C5orf47: variants seen among roughly 807,000 people sequenced by gnomAD.
C5orf47 encodes chromosome 5 open reading frame 47.
In C5orf47, 20 loss-of-function variants were observed where a neutral mutation model predicts 20.6. The ratio of observed to expected loss-of-function variants is 0.97; its 90% CI spans 0.68 to 1.41. The LOEUF is 1.41. Ranked by LOEUF, C5orf47 falls within the 40% of genes most tolerant of loss-of-function variation. C5orf47 has a pLI of 0.00. For synonymous variants in C5orf47, 106 were observed against 97.3 expected, an observed-to-expected ratio of 1.09 and a Z score of -0.53; for missense variants, 262 against 238.4, an observed-to-expected ratio of 1.10 and a Z score of -0.65.
In C5orf47 at chr5:173,989,532, C is replaced by T. The variant is rs936905173; in HGVS notation, c.269C>T (p.Ser90Phe). 2.6e-6 allele frequency: 4 copies of T among 1,527,526 alleles called. No individual in the cohort carries two copies. The highest frequency in any genetic ancestry group is 3.5e-6 in the Non-Finnish European group (4 of 1,136,968). The allele number at this position is 1,527,526 out of a possible 1,614,324, so 94.6% of individuals were successfully genotyped here. A position where few individuals can be genotyped will look rare whatever the true frequency, so the allele number is the denominator to read the frequency against. The change falls in exon 1 of 5, where the codon TCC becomes TTC. Residue 90 changes from serine (S) to phenylalanine (F), a missense_variant. Coordinates refer to ENST00000340147, the MANE Select transcript of C5orf47 (RefSeq NM_001144954.2). ...GGTGTGGAGGCTGCGGCCTCTGCCTCCTCCCAGCTGCGGGCATCGAGAGTT... is the reference window on the plus strand; with the variant it reads ...GGTGTGGAGGCTGCGGCCTCTGCCTTCTCCCAGCTGCGGGCATCGAGAGTT... ...TPGVEAAASA[S>F]SQLRASRVQS...
chr5:173,998,960 C>T (rs1211934552), intron 2 of C5orf47, among the ~76,000 whole-genome samples: 1 of 152,124 alleles, frequency 6.6e-6, no homozygotes, highest in Non-Finnish European at 1.5e-5. Flanking sequence ...CTAATTTTCC[C>T]ACTGTACTAA....
In C5orf47 at chr5:174,006,004, A is replaced by G. The variant is rs1305412937; in HGVS notation, c.*1750A>G. 1.3e-5 allele frequency: 2 copies of G among 152,326 alleles called. No individual in the cohort carries two copies. Among genetic ancestry groups the G allele is most frequent in the Non-Finnish European group, 2.9e-5 (2 of 68,040 alleles). 9.4% of individuals were successfully genotyped at this position (152,326 alleles called of 1,614,324 possible). A position where few individuals can be genotyped will look rare whatever the true frequency, so the allele number is the denominator to read the frequency against. ...ATGTGTTCAATCTGTTATGTTAAAT[A>G]GAATATAATAAACATAAGACTTTTC... On this transcript the variant is annotated 3_prime_UTR_variant, in exon 5 of 5. Coordinates refer to ENST00000340147, the MANE Select transcript of C5orf47 (RefSeq NM_001144954.2).
chr5:173,989,944 TA>T, intron 1 of C5orf47, among the ~76,000 whole-genome samples: 1 of 152,300 alleles, frequency 6.6e-6, no homozygotes, highest in East Asian at 1.9e-4. Context: ...TCATCCTGGC[TA>T]AAAACAGCAT....
intron 4 of C5orf47, 43 bp downstream of exon 4, chr5:174,001,274 T>TTCCCTTCC (rs1395300226): frequency 4.7e-6 from 5 of 1,066,186 alleles, no homozygotes; most frequent in Non-Finnish European, 7.0e-6. Context: ...ATAGATTTTA[T>TTCCCTTCC]TCCCTTCCCT....
At chr5:174,001,373 A>G in intron 4 of C5orf47, 142 bp downstream of exon 4, 1 of 583,548 alleles carries the variant, frequency 1.7e-6, no homozygotes, top group Non-Finnish European at 3.0e-6. Flanking sequence ...TGTTTGGCAC[A>G]TAGTAGGCAC....
intron 1 of C5orf47, among the ~76,000 whole-genome samples, chr5:173,994,333 A>C (rs2113362094): frequency 6.6e-6 from 1 of 152,320 alleles, no homozygotes; most frequent in South Asian, 2.1e-4. Flanking sequence ...CAGACCACCA[A>C]ACAGTGACCA....
chr5:174,008,345 G>A (rs1324137948), downstream of C5orf47, among the ~76,000 whole-genome samples: 2 of 152,240 alleles, frequency 1.3e-5, no homozygotes, highest in Admixed American at 6.5e-5. Context: ...AAAGGGCTCT[G>A]CAGTAGTTCC....
rs1406948113 is a variant in C5orf47, at chr5:174,004,472, C to T, written c.*218C>T. On this transcript the variant is annotated 3_prime_UTR_variant, in exon 5 of 5. Transcript: ENST00000340147. ...AATACCTTTAGTTAAATATTGTTAACCATATGCATGCAAGTGTTATTTTCA... is the reference window on the plus strand; with the variant it reads ...AATACCTTTAGTTAAATATTGTTAATCATATGCATGCAAGTGTTATTTTCA... 1 of 152,146 alleles carries T rather than the reference C, an allele frequency of 6.6e-6. No individual in the cohort carries two copies. The highest frequency in any genetic ancestry group is 2.4e-5 in the African/African-American group (1 of 41,416). 9.4% of individuals were successfully genotyped at this position (152,146 alleles called of 1,614,324 possible). A position where few individuals can be genotyped will look rare whatever the true frequency, so the allele number is the denominator to read the frequency against.
In C5orf47 at chr5:173,989,592, G is replaced by A; in HGVS notation, c.325+4G>A. The stretch of plus-strand genomic sequence containing the variant: ...ACCAGACAGTCGGCGCGTGCAGGTG[G>A]TGCAGCGGGGCAGGGCGGGACCGGG... On this transcript the variant is annotated splice_donor_region_variant and intron_variant, in intron 1 of 4. Coordinates refer to ENST00000340147, the MANE Select transcript of C5orf47 (RefSeq NM_001144954.2). The A allele has an allele frequency of 7.0e-7, 1 of 1,437,826 alleles. No individual in the cohort carries two copies. The highest frequency in any genetic ancestry group is 1.4e-5 in the South Asian group (1 of 69,310). The allele number at this position is 1,437,826 out of a possible 1,614,324, so 89.1% of individuals were successfully genotyped here.
intron 1 of C5orf47, among the ~76,000 whole-genome samples, chr5:173,989,925 G>A (rs1371417873): frequency 1.3e-5 from 2 of 152,188 alleles, no homozygotes; most frequent in East Asian, 1.9e-4. Context: ...ACTTCCGGAT[G>A]CTGTTGAGTC....
At chr5:173,992,838 A>T (rs1240315394) in intron 1 of C5orf47, among the ~76,000 whole-genome samples, 1 of 152,008 alleles carries the variant, frequency 6.6e-6, no homozygotes, top group Non-Finnish European at 1.5e-5. Context: ...CATTTTATGG[A>T]TGTTACTGGT....
rs1236810203 is a variant in C5orf47, at chr5:173,989,286, G to A, written c.23G>A (p.Arg8Gln). The A allele has an allele frequency of 5.0e-6, 7 of 1,386,366 alleles. No homozygotes were observed. The highest frequency in any genetic ancestry group is 3.0e-5 in the African/African-American group (2 of 65,738). 85.9% of individuals were successfully genotyped at this position (1,386,366 alleles called of 1,614,324 possible). A position where few individuals can be genotyped will look rare whatever the true frequency, so the allele number is the denominator to read the frequency against. Residue 8 changes from arginine to glutamine, a missense_variant, in exon 1 of 5, where the codon CGG (arginine) becomes CAG (glutamine). Transcript: ENST00000340147. MAAAGRG[R>Q]EQDSARFVYV... ...GCGATGGCGGCGGCAGGCCGGGGTC[G>A]GGAGCAGGACTCGGCGCGCTTCGTC... is the stretch of plus-strand genomic sequence containing the variant.
At chr5:174,002,618 A>G (rs572630001) in intron 4 of C5orf47, among the ~76,000 whole-genome samples, 1 of 152,234 alleles carries the variant, frequency 6.6e-6, no homozygotes, top group East Asian at 1.9e-4. Context: ...GTGTGTAAAT[A>G]CTTCAGTGTA....
At chr5:173,989,620 C>T (rs796188315) in intron 1 of C5orf47, 32 bp downstream of exon 1, 105 of 1,308,170 alleles carry the variant, frequency 8.0e-5, no homozygotes, top group Middle Eastern at 2.1e-4. Flanking sequence ...GGACCGGGCG[C>T]GGCGGGGCGG....
At chr5:173,998,100 A>C in intron 1 of C5orf47, 53 bp from the exon 2 acceptor site, 1 of 1,042,758 alleles carries the variant, frequency 9.6e-7, no homozygotes, top group Non-Finnish European at 1.4e-6. Context: ...CTCTATTTTC[A>C]GATAGTAAAT....
rs1056261803 is a variant in C5orf47, at chr5:173,999,819, A to G, written c.511+20A>G. The G allele has an allele frequency of 4.4e-6, 6 of 1,351,858 alleles. No individual in the cohort carries two copies. Among genetic ancestry groups the G allele is most frequent in the Non-Finnish European group, 6.1e-6 (6 of 975,730 alleles). The allele number at this position is 1,351,858 out of a possible 1,614,324, so 83.7% of individuals were successfully genotyped here. On this transcript the variant is annotated intron_variant, in intron 3 of 4. Coordinates refer to ENST00000340147, the MANE Select transcript of C5orf47 (RefSeq NM_001144954.2). ...GTGAAAGTAAGTTAACACAATTTTT[A>G]TTGTATTAAAAAGACTGGCCTCTGT...
intron 1 of C5orf47, among the ~76,000 whole-genome samples, chr5:173,990,775 A>T (rs1235863615): frequency 6.6e-6 from 1 of 152,160 alleles, no homozygotes; most frequent in African/African-American, 2.4e-5. Flanking sequence ...ACTGAGGATT[A>T]ATTTACGTAT....
rs541805744 is a variant in C5orf47, at chr5:174,003,260, A to G, written c.*17-1011A>G. Among the ~76,000 whole-genome samples, 4 of 152,186 alleles carry G rather than the reference A, an allele frequency of 2.6e-5. No homozygotes were observed. In the South Asian group the frequency reaches 8.3e-4, roughly 31 times the overall value. On this transcript the variant is annotated intron_variant, in intron 4 of 4. Coordinates refer to ENST00000340147, the MANE Select transcript of C5orf47 (RefSeq NM_001144954.2). The stretch of plus-strand genomic sequence containing the variant: ...AGAATGTGATGTCATTTGTGGAAAG[A>G]TTTGGAATGGAGGTGAAATAGGAGG...
At position 173,989,208 on chromosome 5, in the gene C5orf47, T is replaced by C; in HGVS notation, c.-56T>C. 2.2e-6 allele frequency: 3 copies of C among 1,355,858 alleles called. No homozygotes were observed. Among genetic ancestry groups the C allele is most frequent in the Non-Finnish European group, 2.8e-6 (3 of 1,054,954 alleles). The allele number at this position is 1,355,858 out of a possible 1,614,324, so 84.0% of individuals were successfully genotyped here. A position where few individuals can be genotyped will look rare whatever the true frequency, so the allele number is the denominator to read the frequency against. Reference sequence around the variant, plus strand: ...TCCCTCGCCTGCACAGTGGGCAGTCTGGCGCCTGTGGCGTCGTGTTTGCTG... The same window carrying C: ...TCCCTCGCCTGCACAGTGGGCAGTCCGGCGCCTGTGGCGTCGTGTTTGCTG... On this transcript the variant is annotated 5_prime_UTR_variant, in exon 1 of 5. Coordinates refer to ENST00000340147, the MANE Select transcript of C5orf47 (RefSeq NM_001144954.2).
Sources: gnomAD v4.1 joint callset for allele counts (sites outside exome capture counted in the v4.1 genomes callset) on GRCh38, gnomAD v4.1.1 for gene constraint, MANE v1.5 for transcripts, NCBI Gene and HGNC (gene_info 2026-07-23, HGNC 2026-07-21) for gene names.